Variants in PRELID2 observed in about 807,000 individuals in gnomAD.
The protein encoded by PRELID2 is PRELI domain-containing protein 2.
PRELID2 carries 25 observed loss-of-function variants against 28.4 expected under a neutral mutation model. The observed-to-expected ratio is 0.88, with a 90% CI of 0.64 to 1.23. The LOEUF is 1.23. PRELID2 is among the 50% of genes most tolerant of loss of function. PRELID2 has a pLI of 0.00. For missense variants in PRELID2, 201 were observed against 214.4 expected (o/e 0.94, Z 0.39); for synonymous variants, 76 against 71.6 (o/e 1.06, Z -0.31).
intron 1 of PRELID2, among the ~76,000 whole-genome samples, chr5:145,582,904 C>T (rs1305255400): frequency 6.6e-6 from 1 of 152,076 alleles, no homozygotes; most frequent in Admixed American, 6.6e-5. Flanking sequence ...TGAAACTATA[C>T]CAAAAAGTTT....
At chr5:145,458,227 C>T in the PRELID2 span, among the ~76,000 whole-genome samples, 1 of 152,202 alleles carries the variant, frequency 6.6e-6, no homozygotes, top group African/African-American at 2.4e-5. Context: ...AAGGATACTC[C>T]TTAAACTTTT....
At chr5:145,622,487 C>T (rs1038883617) in intron 1 of PRELID2, among the ~76,000 whole-genome samples, 1 of 151,910 alleles carries the variant, frequency 6.6e-6, no homozygotes, top group Non-Finnish European at 1.5e-5. Context: ...GATTAGTGAG[C>T]AAAGAAACTG....
the PRELID2 span, among the ~76,000 whole-genome samples, chr5:145,428,536 G>A: frequency 3.9e-5 from 6 of 152,138 alleles, no homozygotes; most frequent in East Asian, 9.6e-4. Flanking sequence ...GAAGGGCTAC[G>A]GAGAAGTTGT....
At chr5:145,430,324 A>C in the PRELID2 span, among the ~76,000 whole-genome samples, 31 of 152,208 alleles carry the variant, frequency 2.0e-4, no homozygotes, top group African/African-American at 6.7e-4. Context: ...TGCTGTAACA[A>C]ATTTCTTTGG....
chr5:145,398,782 AC>A, the PRELID2 span, among the ~76,000 whole-genome samples: 1 of 152,074 alleles, frequency 6.6e-6, no homozygotes, highest in African/African-American at 2.4e-5. Context: ...CAAGAAGAAA[AC>A]AAAACATGTG....
chr5:145,331,389 T>C, the PRELID2 span, among the ~76,000 whole-genome samples: 2 of 152,180 alleles, frequency 1.3e-5, no homozygotes, highest in African/African-American at 4.8e-5. Context: ...CTCCCACTAC[T>C]ATTGTGTGGG....
the PRELID2 span, among the ~76,000 whole-genome samples, chr5:145,285,010 A>C: frequency 2.2e-4 from 33 of 152,290 alleles, no homozygotes; most frequent in Non-Finnish European, 2.4e-4. Flanking sequence ...GTCCCATTTC[A>C]TCTTCACAAC....
intron 1 of PRELID2, among the ~76,000 whole-genome samples, chr5:145,649,327 A>G (rs1305715015): frequency 6.6e-6 from 1 of 152,144 alleles, no homozygotes; most frequent in Non-Finnish European, 1.5e-5. Flanking sequence ...CTACAGATAT[A>G]CAGAGATGAC....
At chr5:145,815,916 G>A (rs1434727585) in intron 4 of PRELID2, among the ~76,000 whole-genome samples, 2 of 151,940 alleles carry the variant, frequency 1.3e-5, no homozygotes, top group Non-Finnish European at 2.9e-5. Context: ...GTAGTATCTA[G>A]GAGTGAAATT....
the PRELID2 span, among the ~76,000 whole-genome samples, chr5:145,361,242 G>A: frequency 1.4e-4 from 22 of 152,256 alleles, no homozygotes; most frequent in East Asian, 2.1e-3. Flanking sequence ...TGAGAAGGAG[G>A]CATTATAAAT....
downstream of PRELID2, among the ~76,000 whole-genome samples, chr5:145,471,261 G>A (rs150351551): frequency 6.6e-6 from 1 of 152,050 alleles, no homozygotes; most frequent in Non-Finnish European, 1.5e-5. Flanking sequence ...TGTACATTCA[G>A]AACAACTTCA....
chr5:145,246,976 G>T, the PRELID2 span, among the ~76,000 whole-genome samples: 6 of 152,118 alleles, frequency 3.9e-5, no homozygotes, highest in Non-Finnish European at 5.9e-5. Context: ...AGAAATTATG[G>T]TTTAGGGGTT....
intron 1 of PRELID2, among the ~76,000 whole-genome samples, chr5:145,712,847 T>C (rs1311313949): frequency 6.6e-6 from 1 of 151,686 alleles, no homozygotes; most frequent in Non-Finnish European, 1.5e-5. Context: ...CTTATATATA[T>C]AAATTCAACA....
At chr5:145,286,917 C>T in the PRELID2 span, among the ~76,000 whole-genome samples, 259 of 152,086 alleles carry the variant, frequency 1.7e-3, 1 homozygote, top group African/African-American at 5.8e-3. Flanking sequence ...ACCATATTGG[C>T]CAGGCTGGTC....
intron 3 of PRELID2, chr5:145,819,503 G>A (rs1271147217): frequency 1.2e-6 from 1 of 816,090 alleles, no homozygotes; most frequent in Non-Finnish European, 2.0e-6. Context: ...CTTACAGAGG[G>A]TGTGGAGAAC....
intron 5 of PRELID2, among the ~76,000 whole-genome samples, chr5:145,784,488 G>C (rs1751855388): frequency 6.6e-6 from 1 of 152,182 alleles, no homozygotes; most frequent in African/African-American, 2.4e-5. Context: ...ATGATATCCA[G>C]TGCCAAATTT....
At chr5:145,346,998 T>G in the PRELID2 span, among the ~76,000 whole-genome samples, 1 of 152,140 alleles carries the variant, frequency 6.6e-6, no homozygotes, top group African/African-American at 2.4e-5. Flanking sequence ...GTGTTCCCCC[T>G]TCATCTGATT....
At chr5:145,807,915 G>A (rs978555092) in intron 4 of PRELID2, among the ~76,000 whole-genome samples, 2 of 152,148 alleles carry the variant, frequency 1.3e-5, no homozygotes, top group African/African-American at 4.8e-5. Context: ...CAAAAACAGA[G>A]GAGACTCTGA....
At position 145,789,545 on chromosome 5, in the gene PRELID2, T is replaced by C. The variant is rs114176180; in HGVS notation, c.474+6897A>G. ...ATAAGAACTGAAGCTATAAAATTAC[T>C]AGAAGGAAATACAAGGGAAAAAATC... On this transcript the variant is annotated intron_variant, in intron 5 of 6. Coordinates refer to ENST00000683046, the MANE Select transcript of PRELID2 (RefSeq NM_205846.3). Among the ~76,000 whole-genome samples the C allele has an allele frequency of 4.1e-3, 631 of 152,202 alleles. 1 individual carries two copies. Among genetic ancestry groups the C allele is most frequent in the African/African-American group, 0.014 (585 of 41,542 alleles).
Sources: gnomAD v4.1 joint callset for allele counts (sites outside exome capture counted in the v4.1 genomes callset) on GRCh38, gnomAD v4.1.1 for gene constraint, MANE v1.5 for transcripts, NCBI Gene and HGNC (gene_info 2026-07-23, HGNC 2026-07-21) for gene names.